The following USP37 variants were observed in gnomAD, a reference collection of about 807,000 sequenced individuals.
USP37 encodes ubiquitin specific peptidase 37.
A neutral mutation model predicts 124.0 loss-of-function variants in USP37; 27 were observed. The ratio of observed to expected loss-of-function variants is 0.22; its 90% CI spans 0.16 to 0.30. The LOEUF (loss-of-function observed/expected upper bound fraction) is 0.30, where lower values mean the gene tolerates loss of function less well. Among genes scored for constraint, USP37 ranks in the 10% least tolerant of loss-of-function variants. USP37 has a pLI of 1.00. For missense variants in USP37, 889 were observed against 1,140.4 expected (o/e 0.78, Z 3.17); for synonymous variants, 365 against 388.0 (o/e 0.94, Z 0.70).
intron 2 of USP37, among the ~76,000 whole-genome samples, chr2:218,562,142 A>T (rs898714559): frequency 6.6e-6 from 1 of 152,244 alleles, no homozygotes; most frequent in African/African-American, 2.4e-5. Context: ...CACTAAATGA[A>T]TTGACAGCTA....
chr2:218,548,884 C>A (rs1297865651), intron 6 of USP37, among the ~76,000 whole-genome samples: 1 of 152,064 alleles, frequency 6.6e-6, no homozygotes, highest in Non-Finnish European at 1.5e-5. Flanking sequence ...AACACTTATG[C>A]ATTTAAATAA....
chr2:218,519,307 T>C (rs780385270), intron 10 of USP37, among the ~76,000 whole-genome samples: 4 of 152,358 alleles, frequency 2.6e-5, no homozygotes, highest in Non-Finnish European at 4.4e-5. Flanking sequence ...TAGCCACTTA[T>C]AATCAACTTA....
At chr2:218,543,226 G>T (rs1048904790) in intron 8 of USP37, among the ~76,000 whole-genome samples, 7 of 152,260 alleles carry the variant, frequency 4.6e-5, no homozygotes, top group African/African-American at 1.7e-4. Context: ...TAGTGGACAG[G>T]CATGGTGGCT....
chr2:218,548,751 A>G (rs1358940939), intron 6 of USP37, among the ~76,000 whole-genome samples: 1 of 152,154 alleles, frequency 6.6e-6, no homozygotes, highest in Non-Finnish European at 1.5e-5. Context: ...AATATTCTCT[A>G]TTATTTTCTA....
At chr2:218,480,701 A>C (rs1412603000) in intron 17 of USP37, among the ~76,000 whole-genome samples, 2 of 152,228 alleles carry the variant, frequency 1.3e-5, no homozygotes, top group Non-Finnish European at 2.9e-5. Context: ...CAAGTCAAGG[A>C]ATCTGTGCAA....
Position 218,454,566 on chromosome 2 carries a change from G to A in USP37, c.*364C>T, listed in dbSNP as rs552308481. 1.2e-4 allele frequency: 22 copies of A among 177,370 alleles called. No homozygotes were observed. Among genetic ancestry groups the A allele is most frequent in the Non-Finnish European group, 1.8e-4 (15 of 85,054 alleles). The allele number at this position is 177,370 out of a possible 1,614,324, so 11.0% of individuals were successfully genotyped here. Reference sequence around the variant, plus strand: ...ACTGCTGTGCTATTAATTTTGAGCAGGCATATTCTGGTGGCTCATCCTAAC... The same window carrying A: ...ACTGCTGTGCTATTAATTTTGAGCAAGCATATTCTGGTGGCTCATCCTAAC... On this transcript the variant is annotated 3_prime_UTR_variant, in exon 26 of 26. Transcript: ENST00000258399.
At chr2:218,526,183 T>C (rs1008712848) in intron 10 of USP37, among the ~76,000 whole-genome samples, 13 of 152,232 alleles carry the variant, frequency 8.5e-5, no homozygotes, top group African/African-American at 3.1e-4. Context: ...GAATGGTTTA[T>C]ATTTCTTTGG....
chr2:218,550,032 ACAAAT>A (rs927726082), intron 5 of USP37, 123 bp from the exon 6 acceptor site: 138 of 673,872 alleles, frequency 2.0e-4, no homozygotes, highest in Middle Eastern at 1.9e-3. Context: ...AAAAAAGAAA[ACAAAT>A]CAAAGTGCCT....
chr2:218,510,731 G>A (rs1476964661), intron 10 of USP37, among the ~76,000 whole-genome samples: 1 of 152,050 alleles, frequency 6.6e-6, no homozygotes, highest in Non-Finnish European at 1.5e-5. Flanking sequence ...GGTGGCTCAC[G>A]CCTGTAAGCC....
intron 10 of USP37, 82 bp from the exon 11 acceptor site, chr2:218,510,222 A>G: frequency 7.0e-7 from 1 of 1,430,202 alleles, no homozygotes; most frequent in Admixed American, 2.4e-5. Flanking sequence ...AGAGAAGTCA[A>G]TGTTTAAGGA....
intron 11 of USP37, 54 bp downstream of exon 11, chr2:218,509,925 A>G: frequency 7.0e-7 from 1 of 1,436,992 alleles, no homozygotes; most frequent in Non-Finnish European, 9.2e-7. Context: ...ACCAAAGCAC[A>G]CTTCTATTGA....
At chr2:218,511,200 C>T (rs1689970059) in intron 10 of USP37, among the ~76,000 whole-genome samples, 2 of 151,922 alleles carry the variant, frequency 1.3e-5, no homozygotes, top group African/African-American at 4.8e-5. Flanking sequence ...AGTGCAGTGG[C>T]GTGATCTCGA....
chr2:218,503,878 T>C (rs912069732), intron 11 of USP37, among the ~76,000 whole-genome samples: 2 of 152,120 alleles, frequency 1.3e-5, no homozygotes, highest in African/African-American at 4.8e-5. Context: ...ATTAGCAAGA[T>C]GGTAGACTTA....
chr2:218,535,323 G>T (rs1010588497), intron 8 of USP37, among the ~76,000 whole-genome samples: 1 of 151,104 alleles, frequency 6.6e-6, no homozygotes, highest in Non-Finnish European at 1.5e-5. Flanking sequence ...CCGTGATCGC[G>T]CCACTGCACT....
intron 15 of USP37, among the ~76,000 whole-genome samples, chr2:218,487,860 C>T (rs902078931): frequency 6.6e-6 from 1 of 151,836 alleles, no homozygotes; most frequent in Non-Finnish European, 1.5e-5. Context: ...AAAAACTTCT[C>T]ATCTGTTTTC....
chr2:218,535,347 C>T (rs1393702081), intron 8 of USP37, among the ~76,000 whole-genome samples: 1 of 148,300 alleles, frequency 6.7e-6, no homozygotes, highest in East Asian at 2.0e-4. Context: ...GCTTGGGCAA[C>T]AGAGTGAGTC....
At chr2:218,543,525 A>G (rs1052345555) in intron 8 of USP37, among the ~76,000 whole-genome samples, 2 of 145,708 alleles carry the variant, frequency 1.4e-5, no homozygotes, top group Non-Finnish European at 3.0e-5. Context: ...AAAAAAAAAA[A>G]AAACAGGACA....
intron 20 of USP37, among the ~76,000 whole-genome samples, chr2:218,469,908 C>T (rs1189353089): frequency 6.6e-6 from 1 of 150,506 alleles, no homozygotes; most frequent in Non-Finnish European, 1.5e-5. Context: ...GCAACCTCTG[C>T]CTCCCGGGTT....
At chr2:218,557,337 T>C (rs1693045923) in intron 4 of USP37, among the ~76,000 whole-genome samples, 1 of 152,088 alleles carries the variant, frequency 6.6e-6, no homozygotes, top group Non-Finnish European at 1.5e-5. Context: ...CACTGCCAAA[T>C]TGGGCTGAGG....
Sources: allele counts gnomAD v4.1 joint callset (sites outside exome capture counted in the v4.1 genomes callset), GRCh38; gene constraint gnomAD v4.1.1; transcripts MANE v1.5; gene names NCBI Gene and HGNC (gene_info 2026-07-23, HGNC 2026-07-21).